Variants in PCF11 observed in about 807,000 individuals in gnomAD.
PCF11 encodes the protein pre-mRNA cleavage complex 2 protein Pcf11.
Under a neutral mutation model 166.1 loss-of-function variants are expected in PCF11, and 19 were observed. The ratio of observed to expected loss-of-function variants is 0.11; its 90% CI spans 0.08 to 0.17. The LOEUF (loss-of-function observed/expected upper bound fraction) is 0.17. PCF11 is among the 10% of genes least tolerant of loss of function. The probability of loss-of-function intolerance (pLI) is 1.00; values close to 1 mark genes in which losing one functional copy is unlikely to be tolerated. For synonymous variants in PCF11, 663 were observed against 644.1 expected (o/e 1.03, Z -0.44); for missense variants, 1,565 against 1,855.5 (o/e 0.84, Z 2.88).
At chr11:83,170,955 C>A (rs1437720452) in intron 8 of PCF11, among the ~76,000 whole-genome samples, 1 of 152,164 alleles carries the variant, frequency 6.6e-6, no homozygotes, top group African/African-American at 2.4e-5. Flanking sequence ...AAATGATACT[C>A]TTATTGACAG....
intron 11 of PCF11, among the ~76,000 whole-genome samples, chr11:83,178,304 G>C (rs1458843667): frequency 6.6e-6 from 1 of 151,968 alleles, no homozygotes; most frequent in African/African-American, 2.4e-5. Flanking sequence ...ACAGGTGTGA[G>C]CCACCACACC....
At chr11:83,161,422 A>G (rs745792160) in exon 2 of PCF11, 13 of 1,597,318 alleles carry the variant, frequency 8.1e-6, no homozygotes, top group South Asian at 8.0e-5. Flanking sequence ...CTAAAAATCT[A>G]GTTGCAACAT....
rs560443289 is a variant in PCF11, at chr11:83,177,337, G to T, written c.3877+133G>T. 158 of 695,694 alleles carry T rather than the reference G, an allele frequency of 2.3e-4. No homozygotes were observed. In the African/African-American group the frequency reaches 2.4e-3, roughly 11 times the overall value. The allele number at this position is 695,694 out of a possible 1,614,324, so 43.1% of individuals were successfully genotyped here. ...ATTCCTAGGTATAGCTTTTATTTTTGATTTTCGGTTTATAATGAAATTCTT... is the reference window on the plus strand; with the variant it reads ...ATTCCTAGGTATAGCTTTTATTTTTTATTTTCGGTTTATAATGAAATTCTT... On this transcript the variant is annotated intron_variant, in intron 10 of 15. Coordinates refer to ENST00000298281, the Ensembl canonical transcript of PCF11.
intron 15 of PCF11, among the ~76,000 whole-genome samples, chr11:83,183,800 T>A (rs1053082588): frequency 3.3e-5 from 5 of 152,086 alleles, no homozygotes; most frequent in Non-Finnish European, 7.4e-5. Context: ...AAAATAGGTA[T>A]ACTTTTTAAT....
chr11:83,170,139 G>A (rs1397590602), intron 8 of PCF11, 144 bp downstream of exon 8: 2 of 620,840 alleles, frequency 3.2e-6, no homozygotes, highest in Admixed American at 3.8e-5. Flanking sequence ...CTAAGGAAGT[G>A]GGATGAGCAT....
At chr11:83,157,963 A>G (rs527603243) in intron 1 of PCF11, 50 of 259,572 alleles carry the variant, frequency 1.9e-4, no homozygotes, top group Non-Finnish European at 3.3e-4. Context: ...TGGGGAAGTA[A>G]GAGTTAACAT....
intron 2 of PCF11, among the ~76,000 whole-genome samples, 152 bp from the exon 3 acceptor site, chr11:83,163,527 T>C (rs988799626): frequency 1.3e-5 from 2 of 152,144 alleles, no homozygotes; most frequent in African/African-American, 2.4e-5. Flanking sequence ...GAAGGAGAAA[T>C]GCACCTTTAA....
At position 83,161,459 on chromosome 11, in the gene PCF11, A is replaced by G; in HGVS notation, c.318+7A>G. On this transcript the variant is annotated splice_region_variant and intron_variant, in intron 2 of 15. Transcript: ENST00000298281. ...TATTTGTGTGTTTGAAAAGGTACAT[A>G]TGCATTTAGAAACATTTGCGTTTTT... The G allele has an allele frequency of 6.4e-7, 1 of 1,551,596 alleles. No individual in the cohort carries two copies. The highest frequency in any genetic ancestry group is 1.2e-5 in the South Asian group (1 of 81,912).
At chr11:83,161,383 C>T (rs1389325454) in exon 2 of PCF11, 1 of 1,603,398 alleles carries the variant, frequency 6.2e-7, no homozygotes, top group Non-Finnish European at 8.5e-7. Flanking sequence ...TTGTGAAAAA[C>T]GTTGGAAGAG....
At chr11:83,171,436 A>G (rs141515980) in intron 8 of PCF11, 140 of 352,628 alleles carry the variant, frequency 4.0e-4, no homozygotes, top group African/African-American at 2.3e-3. Flanking sequence ...CAGTTCTTCT[A>G]TTTGTAAAAT....
Position 83,184,945 on chromosome 11 carries a change from C to G in PCF11, c.*51C>G, listed in dbSNP as rs532374259. On this transcript the variant is annotated 3_prime_UTR_variant, in exon 16 of 16. Transcript: ENST00000298281. ...TTTTTTAAAAAAGCTGCTGTTGGAT[C>G]TAGAAGGTGAAGAATTTTTTTATGT... 5.7e-5 allele frequency: 74 copies of G among 1,309,124 alleles called. No homozygotes were observed. The East Asian group carries it at 1.8e-3, about 32-fold the overall frequency. The allele number at this position is 1,309,124 out of a possible 1,614,324, so 81.1% of individuals were successfully genotyped here. A position where few individuals can be genotyped will look rare whatever the true frequency, so the allele number is the denominator to read the frequency against.
chr11:83,179,596 T>A (rs1861013037), intron 11 of PCF11, among the ~76,000 whole-genome samples: 2 of 152,072 alleles, frequency 1.3e-5, no homozygotes, highest in Admixed American at 1.3e-4. Context: ...CTGGACATAA[T>A]CTCTTAACTT....
chr11:83,178,429 A>AT (rs529477298), intron 11 of PCF11, among the ~76,000 whole-genome samples: 9 of 152,052 alleles, frequency 5.9e-5, no homozygotes, highest in African/African-American at 2.2e-4. Context: ...GTGTATCATC[A>AT]TTTTTTCTGT....
At chr11:83,158,970 CT>C (rs1275984198) in intron 1 of PCF11, 1 of 152,182 alleles carries the variant, frequency 6.6e-6, no homozygotes, top group South Asian at 2.1e-4. Context: ...AAACAAAAGT[CT>C]TTAAGTGACT....
At position 83,168,408 on chromosome 11, in the gene PCF11, ATTT is replaced by A; in HGVS notation, c.2093-15_2093-13del. The A allele has an allele frequency of 6.5e-7, 1 of 1,546,326 alleles. No individual in the cohort carries two copies. Among genetic ancestry groups the A allele is most frequent in the Non-Finnish European group, 8.7e-7 (1 of 1,149,124 alleles). On this transcript the variant is annotated splice_polypyrimidine_tract_variant and intron_variant, in intron 7 of 15. Coordinates refer to ENST00000298281, the Ensembl canonical transcript of PCF11. The stretch of plus-strand genomic sequence containing the variant: ...TTTTAAGATAACTTTAGTGAAAATA[ATTT>A]TTTTCCTTTTTAAAAGGTGTGCGAG...
chr11:83,157,406 G>C (rs931719962), exon 1 of PCF11: 3 of 1,592,950 alleles, frequency 1.9e-6, no homozygotes, highest in Admixed American at 1.7e-5. Flanking sequence ...TTCAGCTTCA[G>C]CTGCAGCGGA....
At chr11:83,163,636 C>A in intron 2 of PCF11, 43 bp from the exon 3 acceptor site, 1 of 695,158 alleles carries the variant, frequency 1.4e-6, no homozygotes, top group Non-Finnish European at 2.2e-6. Context: ...ATAAAATATT[C>A]TATAGTAACT....
At position 83,169,908 on chromosome 11, in the gene PCF11, T is replaced by G. The variant is rs774075559; in HGVS notation, c.3573T>G (p.Asp1191Glu). The stretch of plus-strand genomic sequence containing the variant: ...ACAGAGCTTCTGGACACTATTTTGA[T>G]GAAAAAAATCTTCAGAGTTCTCAAT... Residue 1191 changes from aspartate (D) to glutamate (E), a missense_variant, in exon 8 of 16, where the codon GAT (aspartate) becomes GAG (glutamate). Physicochemically the swap from Asp to Glu is conservative, Grantham distance 45. Transcript: ENST00000298281. 6 of 1,610,552 alleles carry G rather than the reference T, an allele frequency of 3.7e-6. No individual in the cohort carries two copies. The African/African-American group carries it at 8.0e-5, about 22-fold the overall frequency.
At chr11:83,157,669 A>G (rs757279921) in intron 1 of PCF11, 38 bp downstream of exon 1, 1 of 1,568,682 alleles carries the variant, frequency 6.4e-7, no homozygotes, top group East Asian at 2.2e-5. Flanking sequence ...TACTTCTAAT[A>G]CTCCCTGATT....
Sources: allele counts gnomAD v4.1 joint callset (sites outside exome capture counted in the v4.1 genomes callset), GRCh38; gene constraint gnomAD v4.1.1; transcripts MANE v1.5; gene names NCBI Gene and HGNC (gene_info 2026-07-23, HGNC 2026-07-21).